The following CEP350 variants were observed in gnomAD, a reference collection of about 807,000 sequenced individuals.
CEP350 encodes centrosomal protein 350, also known as centrosome-associated protein 350.
In CEP350, 126 loss-of-function variants were observed where a neutral mutation model predicts 331.8. The ratio of observed to expected loss-of-function variants is 0.38; its 90% CI spans 0.33 to 0.44. CEP350 has a LOEUF of 0.44. CEP350 is among the 20% of genes least tolerant of loss of function. The probability of loss-of-function intolerance (pLI) is 1.00; values close to 1 mark genes in which losing one functional copy is unlikely to be tolerated. For synonymous variants in CEP350, 1,200 were observed against 1,259.5 expected (o/e 0.95, Z 1.00); for missense variants, 3,406 against 3,634.6 (o/e 0.94, Z 1.62).
At chr1:180,067,469 A>C (rs1250848255) in intron 27 of CEP350, among the ~76,000 whole-genome samples, 2 of 152,154 alleles carry the variant, frequency 1.3e-5, no homozygotes, top group Non-Finnish European at 2.9e-5. Flanking sequence ...CAGGCAGATC[A>C]CCTGTGGTCA....
intron 1 of CEP350, among the ~76,000 whole-genome samples, chr1:179,965,534 A>G (rs539451933): frequency 6.6e-6 from 1 of 152,066 alleles, no homozygotes; most frequent in South Asian, 2.1e-4. Context: ...AATTTCTTTT[A>G]CAGAAGGATT....
chr1:180,019,570 A>G (rs574315343), intron 11 of CEP350, among the ~76,000 whole-genome samples: 37 of 152,320 alleles, frequency 2.4e-4, no homozygotes, highest in Admixed American at 4.6e-4. Flanking sequence ...TAAAAATTAT[A>G]ATCAGTATTG....
intron 36 of CEP350, among the ~76,000 whole-genome samples, chr1:180,096,941 T>C (rs557666868): frequency 2.6e-4 from 39 of 152,320 alleles, no homozygotes; most frequent in South Asian, 8.3e-4. Flanking sequence ...GACCTGAAAT[T>C]CTGCATTTCC....
chr1:180,033,810 T>C (rs1656178391), intron 15 of CEP350, 52 bp from the exon 16 acceptor site: 4 of 1,545,944 alleles, frequency 2.6e-6, no homozygotes, highest in Admixed American at 3.7e-5. Context: ...ATTTAGCTGG[T>C]TTACAAAGTA....
Position 180,003,294 on chromosome 1 carries a change from A to C in CEP350, c.1132+7A>C, listed in dbSNP as rs1459887127. 1 of 1,549,096 alleles carries C rather than the reference A, an allele frequency of 6.5e-7. No homozygotes were observed. Among genetic ancestry groups the C allele is most frequent in the Non-Finnish European group, 8.8e-7 (1 of 1,130,656 alleles). On this transcript the variant is annotated splice_region_variant and intron_variant, in intron 7 of 37. Transcript: ENST00000367607. ...TTAGCACTTCACTTTGCAGGTGAGAATAGAGCTTTCTTATGTTTTGAGTAT... is the reference window on the plus strand; with the variant it reads ...TTAGCACTTCACTTTGCAGGTGAGACTAGAGCTTTCTTATGTTTTGAGTAT...
chr1:180,023,563 A>T (rs1431839408), intron 13 of CEP350, among the ~76,000 whole-genome samples: 1 of 152,218 alleles, frequency 6.6e-6, no homozygotes, highest in Non-Finnish European at 1.5e-5. Context: ...TAATGATTAT[A>T]ACATCTGATA....
intron 6 of CEP350, among the ~76,000 whole-genome samples, chr1:179,998,927 G>A (rs1174365128): frequency 6.6e-6 from 1 of 151,964 alleles, no homozygotes; most frequent in African/African-American, 2.4e-5. Context: ...CTGAAGAATT[G>A]CCATTGTCCA....
intron 27 of CEP350, among the ~76,000 whole-genome samples, chr1:180,069,212 TC>T (rs1412848386): frequency 2.0e-5 from 3 of 152,202 alleles, no homozygotes; most frequent in Non-Finnish European, 4.4e-5. Context: ...CTTTTACACT[TC>T]CCAGTTGGCT....
intron 3 of CEP350, among the ~76,000 whole-genome samples, chr1:179,989,232 C>T (rs1558081815): frequency 1.3e-5 from 2 of 151,940 alleles, no homozygotes; most frequent in Non-Finnish European, 2.9e-5. Flanking sequence ...GCACGTCAAT[C>T]ACTTGAGCTC....
intron 25 of CEP350, among the ~76,000 whole-genome samples, chr1:180,059,572 A>G (rs1257134218): frequency 6.6e-6 from 1 of 151,488 alleles, no homozygotes; most frequent in African/African-American, 2.4e-5. Context: ...GCTCGATACC[A>G]GAATATAGTG....
chr1:180,000,471 C>T (rs1388047381), intron 6 of CEP350: 2 of 154,018 alleles, frequency 1.3e-5, no homozygotes, highest in East Asian at 1.9e-4. Flanking sequence ...TTTCTTCATT[C>T]TGTTCTTGTG....
At chr1:180,059,628 T>TG (rs1558132894) in intron 25 of CEP350, among the ~76,000 whole-genome samples, 1 of 151,614 alleles carries the variant, frequency 6.6e-6, no homozygotes, top group Non-Finnish European at 1.5e-5. Context: ...TGTGAGCCTT[T>TG]TTTTTTTTTT....
chr1:180,073,381 A>C (rs1255634291), intron 27 of CEP350, among the ~76,000 whole-genome samples: 1 of 152,216 alleles, frequency 6.6e-6, no homozygotes, highest in African/African-American at 2.4e-5. Context: ...TACAGATTAA[A>C]AATCACTTGC....
In CEP350 at chr1:179,968,806, A is replaced by C. The variant is rs767923004; in HGVS notation, c.-14+13664A>C. 3.0e-5 allele frequency: 21 copies of C among 694,734 alleles called. 1 individual carries two copies. Among genetic ancestry groups the C allele is most frequent in the Non-Finnish European group, 5.1e-5 (19 of 373,146 alleles). The allele number at this position is 694,734 out of a possible 1,614,324, so 43.0% of individuals were successfully genotyped here. The stretch of plus-strand genomic sequence containing the variant: ...CATCTACATCATAAATCTGAAGAGG[A>C]CCTGAAAGAAGCTTCTGCTGGCAGC... On this transcript the variant is annotated intron_variant, in intron 1 of 37. Transcript: ENST00000367607.
rs201262054 is a variant in CEP350, at chr1:180,020,717, A to T, written c.2943A>T (p.Ser981=). 16 of 1,614,050 alleles carry T rather than the reference A, an allele frequency of 9.9e-6. No homozygotes were observed. In the East Asian group the frequency reaches 3.6e-4, roughly 36 times the overall value. ...AKISLGSSID[S]VSEGPLLSEG... ...TATCTCTTGGTTCCAGCATAGATTCAGTCAGTGAAGGGCCTCTTCTTAGTG... is the reference window on the plus strand; with the variant it reads ...TATCTCTTGGTTCCAGCATAGATTCTGTCAGTGAAGGGCCTCTTCTTAGTG... Residue 981 remains serine (S), a synonymous_variant, in exon 12 of 38, where the codon TCA becomes TCT. Coordinates refer to ENST00000367607, the MANE Select transcript of CEP350 (RefSeq NM_014810.5).
At chr1:180,036,806 G>A in intron 16 of CEP350, 120 bp from the exon 17 acceptor site, 3 of 1,080,242 alleles carry the variant, frequency 2.8e-6, no homozygotes, top group African/African-American at 3.2e-5. Flanking sequence ...TCTGTACTGA[G>A]TCCCAGTTTT....
intron 37 of CEP350, among the ~76,000 whole-genome samples, chr1:180,107,536 C>T (rs10913929): frequency 0.076 from 11,540 of 152,178 alleles, 623 homozygotes; most frequent in African/African-American, 0.16. Context: ...GGCATAGTGG[C>T]GCATGCCTGT....
rs747759493 is a variant in CEP350, at chr1:180,062,376, A to G, written c.5409+10A>G. ...AGGGGAGAGTAAATTGGTAAACTAC[A>G]TGAAGTTATTATTTGTTTCCTGTCT... On this transcript the variant is annotated intron_variant, in intron 26 of 37. Transcript: ENST00000367607. The G allele has an allele frequency of 1.9e-6, 3 of 1,583,102 alleles. No individual in the cohort carries two copies. Among genetic ancestry groups the G allele is most frequent in the East Asian group, 2.3e-5 (1 of 43,884 alleles).
intron 33 of CEP350, among the ~76,000 whole-genome samples, chr1:180,092,344 T>C (rs991387191): frequency 2.6e-5 from 4 of 152,202 alleles, no homozygotes; most frequent in African/African-American, 9.7e-5. Context: ...AAGCAATGGT[T>C]CCATCAACTT....
Sources: allele counts gnomAD v4.1 joint callset (sites outside exome capture counted in the v4.1 genomes callset), GRCh38; gene constraint gnomAD v4.1.1; transcripts MANE v1.5; gene names NCBI Gene and HGNC (gene_info 2026-07-23, HGNC 2026-07-21).